Variants in GNAI1 observed in about 807,000 individuals in gnomAD.
GNAI1 encodes G protein subunit alpha i1, also known as guanine nucleotide-binding protein G(i) subunit alpha-1.
GNAI1 carries 11 observed loss-of-function variants against 38.9 expected under a neutral mutation model. The observed-to-expected ratio is 0.28, with a 90% CI of 0.18 to 0.47. The LOEUF is 0.47. Ranked by LOEUF, GNAI1 falls within the 20% of genes least tolerant of loss-of-function variation. GNAI1 has a pLI of 0.99. For synonymous variants in GNAI1, 166 were observed against 145.1 expected, an observed-to-expected ratio of 1.14 and a Z score of -1.04; for missense variants, 317 against 436.9, an observed-to-expected ratio of 0.73 and a Z score of 2.45.
intron 1 of GNAI1, among the ~76,000 whole-genome samples, chr7:80,138,654 A>G (rs1466831640): frequency 6.6e-6 from 1 of 152,184 alleles, no homozygotes; most frequent in Non-Finnish European, 1.5e-5. Context: ...CTTATGAAAT[A>G]TTATTTTATT....
chr7:80,220,342 G>A lies in GNAI1; in HGVS notation c.*2849G>A, dbSNP rs531517987. On this transcript the variant is annotated 3_prime_UTR_variant, in exon 8 of 8. Coordinates refer to ENST00000649796, the MANE Select transcript of GNAI1 (RefSeq NM_002069.6). ...GCACTTTTAAAATGGTGTGTAAAAT[G>A]TATTGGCACTTTTAAATTTGGCACT... Among the ~76,000 whole-genome samples, 90 of 152,330 alleles carry A rather than the reference G, an allele frequency of 5.9e-4. No individual in the cohort carries two copies. The highest frequency in any genetic ancestry group is 6.8e-3 in the Middle Eastern group (2 of 294).
chr7:80,143,818 A>G lies in GNAI1; in HGVS notation c.118+8540A>G, dbSNP rs1787568566. 2.0e-5 allele frequency among the ~76,000 whole-genome samples: 3 copies of G among 152,144 alleles called. No homozygotes were observed. In the South Asian group the frequency reaches 6.2e-4, roughly 32 times the overall value. On this transcript the variant is annotated intron_variant, in intron 1 of 7. Coordinates refer to ENST00000649796, the MANE Select transcript of GNAI1 (RefSeq NM_002069.6). ...GGCTATTATTATAAATACTTCAGAG[A>G]CTCTGTGGAATCAGCCCTCCCTTGC... is the stretch of plus-strand genomic sequence containing the variant.
intron 1 of GNAI1, among the ~76,000 whole-genome samples, chr7:80,172,249 G>A (rs1788108998): frequency 6.6e-6 from 1 of 152,178 alleles, no homozygotes; most frequent in South Asian, 2.1e-4. Flanking sequence ...TTCTAGAAAT[G>A]CCTGGAATGC....
chr7:80,188,924 G>A (rs1202005194), intron 1 of GNAI1, 27 bp from the exon 2 acceptor site: 1 of 1,502,990 alleles, frequency 6.7e-7, no homozygotes. Context: ...GATGAAATTA[G>A]AAACCTTTTA....
chr7:80,166,693 A>G (rs1788014956), intron 1 of GNAI1, among the ~76,000 whole-genome samples: 1 of 152,154 alleles, frequency 6.6e-6, no homozygotes, highest in African/African-American at 2.4e-5. Context: ...CTTTGGCAAT[A>G]ATATCTATAT....
chr7:80,203,925 C>G, intron 5 of GNAI1, 93 bp downstream of exon 5: 1 of 740,012 alleles, frequency 1.4e-6, no homozygotes, highest in Non-Finnish European at 2.0e-6. Flanking sequence ...AACATTTTTA[C>G]AGTTGGAAAT....
intron 4 of GNAI1, among the ~76,000 whole-genome samples, chr7:80,201,664 T>C (rs117453997): frequency 0.02 from 2,970 of 152,172 alleles, 51 homozygotes; most frequent in Non-Finnish European, 0.032. Context: ...GTTGAGGCTA[T>C]AGTGAGCTAT....
At position 80,188,012 on chromosome 7, in the gene GNAI1, G is replaced by A. The variant is rs79086495; in HGVS notation, c.119-939G>A. ...TGAGGAGAGCCTGCATGTATACAGAGTGAAGGAGAGTTCTGAGAATGGCTC... is the reference window on the plus strand; with the variant it reads ...TGAGGAGAGCCTGCATGTATACAGAATGAAGGAGAGTTCTGAGAATGGCTC... On this transcript the variant is annotated intron_variant, in intron 1 of 7. Transcript: ENST00000649796. Among the ~76,000 whole-genome samples the A allele has an allele frequency of 8.5e-3, 1,295 of 152,306 alleles. 7 individuals carry two copies. The highest frequency in any genetic ancestry group is 0.014 in the Non-Finnish European group (959 of 68,020).
intron 1 of GNAI1, among the ~76,000 whole-genome samples, chr7:80,159,152 G>A (rs1012622415): frequency 5.3e-5 from 8 of 152,170 alleles, no homozygotes; most frequent in Non-Finnish European, 1.5e-5. Context: ...GCTGGCTCAA[G>A]TTCTGGTGGC....
chr7:80,178,325 A>G (rs1006812013), intron 1 of GNAI1, among the ~76,000 whole-genome samples: 3 of 152,230 alleles, frequency 2.0e-5, no homozygotes, highest in African/African-American at 7.2e-5. Context: ...TTGATAAAGC[A>G]GTGGCAGGGT....
At chr7:80,193,768 A>G (rs1788521037) in intron 3 of GNAI1, among the ~76,000 whole-genome samples, 2 of 152,208 alleles carry the variant, frequency 1.3e-5, no homozygotes, top group South Asian at 4.1e-4. Flanking sequence ...AGAGTTTTTA[A>G]AATATTAATT....
intron 1 of GNAI1, among the ~76,000 whole-genome samples, chr7:80,156,199 T>C (rs966935621): frequency 6.6e-6 from 1 of 152,170 alleles, no homozygotes; most frequent in African/African-American, 2.4e-5. Flanking sequence ...CTTCTCACTT[T>C]TCCAGTCCTA....
rs1787387941 is a variant in GNAI1 at position 80,135,222 on chromosome 7, G to A, written c.62G>A (p.Arg21His). The A allele has an allele frequency of 1.3e-6, 2 of 1,553,620 alleles. No individual in the cohort carries two copies. The highest frequency in any genetic ancestry group is 1.2e-5 in the South Asian group (1 of 84,038). Reference protein sequence around the residue: ...AAVERSKMIDRNLREDGEKAA... With the variant: ...AAVERSKMIDHNLREDGEKAA... ...GTGGAGCGGAGTAAGATGATCGACCGCAACCTCCGTGAGGACGGCGAGAAG... is the reference window on the plus strand; with the variant it reads ...GTGGAGCGGAGTAAGATGATCGACCACAACCTCCGTGAGGACGGCGAGAAG... Residue 21 changes from arginine to histidine, a missense_variant, in exon 1 of 8, where the codon CGC (arginine) becomes CAC (histidine). Physicochemically the swap from Arg to His is conservative, Grantham distance 29. Transcript: ENST00000649796.
chr7:80,192,042 A>G (rs2115643493), intron 3 of GNAI1, among the ~76,000 whole-genome samples: 1 of 152,246 alleles, frequency 6.6e-6, no homozygotes, highest in Non-Finnish European at 1.5e-5. Flanking sequence ...TTTCTGTTCA[A>G]TTACTTACCT....
At chr7:80,158,835 T>C (rs1458483062) in intron 1 of GNAI1, among the ~76,000 whole-genome samples, 1 of 152,204 alleles carries the variant, frequency 6.6e-6, no homozygotes, top group Non-Finnish European at 1.5e-5. Context: ...CAGTTCATCC[T>C]GGGATATGTA....
rs751549562 is a variant in GNAI1, at chr7:80,211,127, T to C, written c.720+29T>C. ...AGTAGAACTACTTTAAGAGTTGAGC[T>C]TGAAACATGAAGAGCTGAAGGTGTT... On this transcript the variant is annotated intron_variant, in intron 6 of 7. Coordinates refer to ENST00000649796, the MANE Select transcript of GNAI1 (RefSeq NM_002069.6). The C allele has an allele frequency of 2.1e-5, 33 of 1,603,214 alleles. 1 individual carries two copies. The highest frequency in any genetic ancestry group is 5.1e-6 in the Non-Finnish European group (6 of 1,171,484).
At position 80,203,747 on chromosome 7, in the gene GNAI1, C is replaced by T. The variant is rs1204209552; in HGVS notation, c.505C>T (p.Pro169Ser). Residue 169 changes from proline to serine, a missense_variant, in exon 5 of 8, where the codon CCG becomes TCG. Pro to Ser is a moderately conservative substitution (Grantham distance 74). Around this residue, in one of 5 missense-constraint regions of GNAI1, gnomAD observed 158 missense variants for 234.7 expected, o/e 0.67. Transcript: ENST00000649796. ...LDRIAQPNYI[P>S]TQQDVLRTRV... ...CAGAATAGCTCAACCAAATTACATCCCGACTCAACAAGATGTTCTCAGAAC... is the reference window on the plus strand; with the variant it reads ...CAGAATAGCTCAACCAAATTACATCTCGACTCAACAAGATGTTCTCAGAAC... The T allele has an allele frequency of 6.3e-7, 1 of 1,590,538 alleles. No homozygotes were observed. Among genetic ancestry groups the T allele is most frequent in the Non-Finnish European group, 8.6e-7 (1 of 1,161,344 alleles).
At chr7:80,136,993 T>C (rs1787426635) in intron 1 of GNAI1, among the ~76,000 whole-genome samples, 1 of 152,284 alleles carries the variant, frequency 6.6e-6, no homozygotes, top group South Asian at 2.1e-4. Flanking sequence ...CTCCAGGTTG[T>C]TTTTGTGCAT....
intron 1 of GNAI1, among the ~76,000 whole-genome samples, chr7:80,172,845 G>A (rs931017693): frequency 2.0e-5 from 3 of 152,100 alleles, no homozygotes; most frequent in Admixed American, 2.0e-4. Flanking sequence ...CATCTTGCAT[G>A]TTTATTTGCA....
Sources: gnomAD v4.1 joint callset for allele counts (sites outside exome capture counted in the v4.1 genomes callset) on GRCh38, gnomAD v4.1.1 for gene constraint, gnomAD v4.1.1 regional missense constraint, MANE v1.5 for transcripts, NCBI Gene and HGNC (gene_info 2026-07-23, HGNC 2026-07-21) for gene names.